FMN1: variants seen among roughly 807,000 people sequenced by gnomAD.
The protein encoded by FMN1 is formin 1, also known as formin-1.
A neutral mutation model predicts 132.4 loss-of-function variants in FMN1; 110 were observed. The observed-to-expected ratio is 0.83, with a 90% CI of 0.71 to 0.97. FMN1 has a LOEUF of 0.97. Ranked by LOEUF, FMN1 falls within the 50% of genes least tolerant of loss-of-function variation. The probability of loss-of-function intolerance (pLI) is 0.00; values close to 1 mark genes in which losing one functional copy is unlikely to be tolerated. For missense variants in FMN1, 1,792 were observed against 1,705.3 expected, an observed-to-expected ratio of 1.05 and a Z score of -0.90; for synonymous variants, 722 against 651.7, an observed-to-expected ratio of 1.11 and a Z score of -1.64.
At chr15:33,082,262 G>A (rs559655934) in intron 5 of FMN1, among the ~76,000 whole-genome samples, 7 of 152,020 alleles carry the variant, frequency 4.6e-5, no homozygotes, top group East Asian at 1.9e-4. Flanking sequence ...CAGTAGAGAC[G>A]GGGTTTCATC....
intron 6 of FMN1, among the ~76,000 whole-genome samples, chr15:33,050,410 T>C (rs899917254): frequency 2.0e-5 from 3 of 152,014 alleles, no homozygotes; most frequent in Non-Finnish European, 2.9e-5. Flanking sequence ...TTTTAATACA[T>C]AGAAAGCTTC....
At chr15:33,117,404 A>G (rs2039969762) in intron 4 of FMN1, among the ~76,000 whole-genome samples, 1 of 152,240 alleles carries the variant, frequency 6.6e-6, no homozygotes, top group African/African-American at 2.4e-5. Context: ...TCTGAGAAAT[A>G]CACAGGGGCT....
intron 5 of FMN1, among the ~76,000 whole-genome samples, chr15:33,082,024 T>G (rs976157585): frequency 1.9e-4 from 21 of 112,616 alleles, no homozygotes; most frequent in African/African-American, 7.8e-4. Flanking sequence ...TTCAGGGGTG[T>G]GTGTGTGTGT....
rs371597822 is a variant in FMN1 at position 33,158,492 on chromosome 15, C to G, written c.-131-3447G>C. On this transcript the variant is annotated intron_variant, in intron 3 of 20. Transcript: ENST00000616417. ...TATTGCCTCATCCACCCAGAAACTT[C>G]CATACAGAATGCTCTTACCACACTT... 2.0e-5 allele frequency among the ~76,000 whole-genome samples: 3 copies of G among 151,768 alleles called. No individual in the cohort carries two copies. The South Asian group carries it at 6.3e-4, about 32-fold the overall frequency.
At chr15:32,923,073 G>C (rs558034579) in intron 10 of FMN1, among the ~76,000 whole-genome samples, 16 of 152,308 alleles carry the variant, frequency 1.1e-4, no homozygotes, top group African/African-American at 3.6e-4. Flanking sequence ...TGTGAGTTTG[G>C]AAAGTATGAG....
At chr15:33,036,170 G>A (rs942836336) in intron 6 of FMN1, among the ~76,000 whole-genome samples, 1 of 152,148 alleles carries the variant, frequency 6.6e-6, no homozygotes, top group Non-Finnish European at 1.5e-5. Flanking sequence ...GCTAAAACAT[G>A]CTAAGACACT....
chr15:33,024,607 C>A (rs908461431), intron 6 of FMN1, among the ~76,000 whole-genome samples: 6 of 152,062 alleles, frequency 3.9e-5, no homozygotes, highest in Non-Finnish European at 7.4e-5. Flanking sequence ...CATTAGAATT[C>A]CACACATTGT....
intron 4 of FMN1, among the ~76,000 whole-genome samples, chr15:33,134,681 T>C (rs2140235509): frequency 6.6e-6 from 1 of 152,330 alleles, no homozygotes; most frequent in South Asian, 2.1e-4. Context: ...TCTCTGACAT[T>C]CAGCTATCTC....
At chr15:33,072,768 T>C (rs199574947) in intron 5 of FMN1, among the ~76,000 whole-genome samples, 1 of 151,982 alleles carries the variant, frequency 6.6e-6, no homozygotes, top group South Asian at 2.1e-4. Flanking sequence ...ACTAAAAATA[T>C]AAAAATTAGC....
intron 17 of FMN1, among the ~76,000 whole-genome samples, chr15:32,823,903 T>A (rs776369753): frequency 1.3e-5 from 2 of 152,240 alleles, no homozygotes; most frequent in Admixed American, 6.5e-5. Context: ...GTGGAAGGCA[T>A]GGAGCCTGGA....
chr15:33,090,981 G>A (rs1287796915), intron 4 of FMN1, among the ~76,000 whole-genome samples: 1 of 152,080 alleles, frequency 6.6e-6, no homozygotes, highest in Non-Finnish European at 1.5e-5. Flanking sequence ...TACTCTCACT[G>A]TACTACCTCA....
At chr15:32,915,842 G>T (rs1024436366) in intron 10 of FMN1, among the ~76,000 whole-genome samples, 2 of 152,128 alleles carry the variant, frequency 1.3e-5, no homozygotes, top group African/African-American at 4.8e-5. Flanking sequence ...CTGTCAGTTC[G>T]GTTAGAATAT....
At chr15:32,827,761 G>C (rs902323587) in intron 17 of FMN1, among the ~76,000 whole-genome samples, 2 of 151,800 alleles carry the variant, frequency 1.3e-5, no homozygotes, top group Non-Finnish European at 2.9e-5. Context: ...GGAGAATGGC[G>C]TGAGTCCAGG....
chr15:32,874,718 T>A (rs2059598003), intron 16 of FMN1, among the ~76,000 whole-genome samples: 4 of 152,246 alleles, frequency 2.6e-5, no homozygotes. Context: ...AATGTGTTTA[T>A]AAAGGACTTG....
chr15:33,014,118 TAGA>T (rs1193102263), intron 6 of FMN1, among the ~76,000 whole-genome samples: 7 of 152,204 alleles, frequency 4.6e-5, no homozygotes, highest in Non-Finnish European at 7.3e-5. Flanking sequence ...GGGCAGCATG[TAGA>T]AGGAGGAAGC....
chr15:32,974,142 C>T (rs76818010), intron 7 of FMN1, among the ~76,000 whole-genome samples: 2,371 of 152,260 alleles, frequency 0.016, 67 homozygotes, highest in African/African-American at 0.054. Context: ...TGCTTGTAAG[C>T]AGTATCCAAT....
chr15:33,129,824 G>A (rs1184543715), intron 4 of FMN1, among the ~76,000 whole-genome samples: 8 of 132,102 alleles, frequency 6.1e-5, no homozygotes, highest in Admixed American at 5.3e-4. Flanking sequence ...ACAGAGTCTC[G>A]TTCTGTCGCC....
intron 7 of FMN1, among the ~76,000 whole-genome samples, chr15:33,005,321 GTT>G (rs2034357450): frequency 2.6e-5 from 4 of 152,216 alleles, no homozygotes; most frequent in Admixed American, 2.6e-4. Flanking sequence ...AACAACAGTT[GTT>G]TAAGTGTACT....
At chr15:33,169,027 A>G (rs1965216692) in intron 3 of FMN1, among the ~76,000 whole-genome samples, 1 of 152,228 alleles carries the variant, frequency 6.6e-6, no homozygotes, top group Admixed American at 6.5e-5. Flanking sequence ...CAAAAATCTC[A>G]TATCCACAAT....
Sources: allele counts gnomAD v4.1 joint callset (sites outside exome capture counted in the v4.1 genomes callset), GRCh38; gene constraint gnomAD v4.1.1; transcripts MANE v1.5; gene names NCBI Gene and HGNC (gene_info 2026-07-23, HGNC 2026-07-21).